FSTL5: variants seen among roughly 807,000 people sequenced by gnomAD.
FSTL5 encodes the protein follistatin-related protein 5.
FSTL5 carries 62 observed loss-of-function variants against 89.1 expected under a neutral mutation model. The observed-to-expected ratio is 0.70, with a 90% CI of 0.57 to 0.86. FSTL5 has a LOEUF of 0.86. Among genes scored for constraint, FSTL5 ranks in the 40% least tolerant of loss-of-function variants. FSTL5 has a pLI of 0.00. For synonymous variants in FSTL5, 383 were observed against 346.2 expected (o/e 1.11, Z -1.18); for missense variants, 1,057 against 1,001.6 (o/e 1.06, Z -0.75).
At chr4:161,971,768 A>C (rs1735490827) in intron 3 of FSTL5, among the ~76,000 whole-genome samples, 1 of 152,216 alleles carries the variant, frequency 6.6e-6, no homozygotes, top group Non-Finnish European at 1.5e-5. Context: ...ATATATCCCC[A>C]AAATCCAAAC....
intron 7 of FSTL5, among the ~76,000 whole-genome samples, chr4:161,624,760 G>T (rs1735256614): frequency 1.3e-5 from 2 of 151,932 alleles, no homozygotes; most frequent in Admixed American, 1.3e-4. Flanking sequence ...ATTAAAATAA[G>T]TATTACCTTT....
At chr4:161,840,190 G>C (rs1731169222) in intron 4 of FSTL5, among the ~76,000 whole-genome samples, 1 of 152,128 alleles carries the variant, frequency 6.6e-6, no homozygotes, top group Non-Finnish European at 1.5e-5. Flanking sequence ...AAAGGAAAGT[G>C]ATTCCATGTA....
At chr4:162,082,869 A>T (rs190667233) in intron 2 of FSTL5, among the ~76,000 whole-genome samples, 1 of 151,456 alleles carries the variant, frequency 6.6e-6, no homozygotes, top group African/African-American at 2.4e-5. Flanking sequence ...CACCTGTTCA[A>T]TCTCAATCTC....
chr4:161,578,120 T>G (rs1034908327), intron 8 of FSTL5, among the ~76,000 whole-genome samples: 1 of 151,780 alleles, frequency 6.6e-6, no homozygotes, highest in African/African-American at 2.4e-5. Flanking sequence ...ATATGACTCA[T>G]GAGAGAAAAA....
At chr4:161,990,377 A>T (rs1736077232) in intron 3 of FSTL5, among the ~76,000 whole-genome samples, 1 of 152,128 alleles carries the variant, frequency 6.6e-6, no homozygotes, top group African/African-American at 2.4e-5. Context: ...TTGCATCTTC[A>T]AATAAAGTGA....
chr4:162,014,637 G>T (rs1736864284), intron 3 of FSTL5, among the ~76,000 whole-genome samples: 3 of 152,182 alleles, frequency 2.0e-5, no homozygotes, highest in Admixed American at 1.3e-4. Flanking sequence ...CCATGCTGTG[G>T]TTCTCCTGGG....
intron 3 of FSTL5, among the ~76,000 whole-genome samples, chr4:162,018,963 C>T (rs1004469934): frequency 6.6e-6 from 1 of 152,140 alleles, no homozygotes; most frequent in Admixed American, 6.5e-5. Flanking sequence ...GTAACTAATC[C>T]ACTGATAACT....
At chr4:161,576,365 A>G (rs999613989) in intron 8 of FSTL5, among the ~76,000 whole-genome samples, 31 of 152,330 alleles carry the variant, frequency 2.0e-4, no homozygotes, top group African/African-American at 6.3e-4. Flanking sequence ...TAGCCAAGAC[A>G]ATATTAAGCA....
At chr4:161,854,499 C>T (rs1228334843) in intron 4 of FSTL5, among the ~76,000 whole-genome samples, 3 of 152,170 alleles carry the variant, frequency 2.0e-5, no homozygotes, top group East Asian at 3.9e-4. Flanking sequence ...CTTCACCAGC[C>T]TAAGAGAACA....
At chr4:161,639,403 G>A (rs571600032) in intron 7 of FSTL5, among the ~76,000 whole-genome samples, 3 of 152,250 alleles carry the variant, frequency 2.0e-5, no homozygotes, top group East Asian at 1.9e-4. Flanking sequence ...TGCTTAAAAC[G>A]TTATAGGTGT....
In FSTL5 at chr4:161,725,706, T is replaced by A. The variant is rs1052155997; in HGVS notation, c.727+33705A>T. Among the ~76,000 whole-genome samples, 5 of 152,292 alleles carry A rather than the reference T, an allele frequency of 3.3e-5. No individual in the cohort carries two copies. The East Asian group carries it at 9.7e-4, about 29-fold the overall frequency. ...TTAATCCTAGGCATCATCTGGATAT[T>A]CAAGGAGAAAGACCACCTCAATTAT... On this transcript the variant is annotated intron_variant, in intron 6 of 15. Transcript: ENST00000306100.
intron 15 of FSTL5, among the ~76,000 whole-genome samples, chr4:161,433,299 A>G (rs980912312): frequency 1.3e-5 from 2 of 152,114 alleles, no homozygotes; most frequent in African/African-American, 4.8e-5. Flanking sequence ...GGAATAAAGG[A>G]CAAAAATTAT....
intron 8 of FSTL5, among the ~76,000 whole-genome samples, chr4:161,546,740 A>G (rs1469490369): frequency 6.6e-6 from 1 of 152,040 alleles, no homozygotes; most frequent in African/African-American, 2.4e-5. Flanking sequence ...TTAATCAAAG[A>G]AAACTTTAGA....
At chr4:162,022,966 T>A (rs949504984) in intron 3 of FSTL5, 3 of 152,126 alleles carry the variant, frequency 2.0e-5, no homozygotes, top group Non-Finnish European at 4.4e-5. Context: ...GAGAAATTAG[T>A]TAATGGGCAC....
chr4:161,711,777 T>C (rs1460779539), intron 6 of FSTL5, among the ~76,000 whole-genome samples: 1 of 152,128 alleles, frequency 6.6e-6, no homozygotes, highest in Non-Finnish European at 1.5e-5. Flanking sequence ...GATTATATGT[T>C]ATGAAAAAGT....
intron 4 of FSTL5, among the ~76,000 whole-genome samples, chr4:161,904,015 A>T (rs1310658003): frequency 6.6e-6 from 1 of 152,116 alleles, no homozygotes; most frequent in Non-Finnish European, 1.5e-5. Flanking sequence ...TAGTAAAAAG[A>T]AAAATTTCCT....
intron 4 of FSTL5, among the ~76,000 whole-genome samples, chr4:161,894,476 A>G (rs901720621): frequency 1.3e-5 from 2 of 151,882 alleles, no homozygotes; most frequent in African/African-American, 2.4e-5. Context: ...TTCTCTATAT[A>G]TATCTTTTTT....
intron 6 of FSTL5, among the ~76,000 whole-genome samples, chr4:161,755,800 A>T (rs190646596): frequency 5.3e-5 from 8 of 152,106 alleles, no homozygotes; most frequent in Admixed American, 5.2e-4. Context: ...ATTTTTGAAT[A>T]GATTTCTTTT....
intron 4 of FSTL5, among the ~76,000 whole-genome samples, chr4:161,796,744 T>G (rs1405916410): frequency 6.6e-6 from 1 of 151,774 alleles, no homozygotes; most frequent in African/African-American, 2.4e-5. Context: ...TTATTATACA[T>G]ATTTATTATA....
Sources: gnomAD v4.1 joint callset for allele counts (sites outside exome capture counted in the v4.1 genomes callset) on GRCh38, gnomAD v4.1.1 for gene constraint, MANE v1.5 for transcripts, NCBI Gene and HGNC (gene_info 2026-07-23, HGNC 2026-07-21) for gene names.